ITFG1: variants seen among roughly 807,000 people sequenced by gnomAD.
ITFG1 encodes T-cell immunomodulatory protein.
Under a neutral mutation model 81.8 loss-of-function variants are expected in ITFG1, and 34 were observed. The observed-to-expected ratio is 0.42, with a 90% CI of 0.32 to 0.55. The LOEUF is 0.55. Among genes scored for constraint, ITFG1 ranks in the 20% least tolerant of loss-of-function variants. The pLI is 0.17. For synonymous variants in ITFG1, 285 were observed against 270.6 expected, an observed-to-expected ratio of 1.05 and a Z score of -0.52; for missense variants, 672 against 755.4, an observed-to-expected ratio of 0.89 and a Z score of 1.29.
intron 10 of ITFG1, among the ~76,000 whole-genome samples, chr16:47,278,257 C>A (rs1301141774): frequency 3.9e-5 from 6 of 151,990 alleles, no homozygotes; most frequent in Non-Finnish European, 8.8e-5. Context: ...GTGGTGGAGT[C>A]GAGGAGAACA....
intron 6 of ITFG1, among the ~76,000 whole-genome samples, chr16:47,378,590 T>C (rs1968356984): frequency 6.6e-6 from 1 of 152,250 alleles, no homozygotes; most frequent in African/African-American, 2.4e-5. Context: ...GCTGATTCTA[T>C]TTCCATGGCT....
chr16:47,443,194 T>C (rs907429873), intron 5 of ITFG1, among the ~76,000 whole-genome samples: 1 of 152,088 alleles, frequency 6.6e-6, no homozygotes, highest in African/African-American at 2.4e-5. Context: ...AAAACCACAA[T>C]GAGATACCAT....
intron 5 of ITFG1, among the ~76,000 whole-genome samples, chr16:47,436,943 A>C (rs1471368422): frequency 2.0e-5 from 3 of 152,144 alleles, no homozygotes; most frequent in African/African-American, 7.2e-5. Flanking sequence ...AGCTATACCA[A>C]TTACTCTTCA....
intron 8 of ITFG1, among the ~76,000 whole-genome samples, chr16:47,315,633 T>G (rs968932697): frequency 1.3e-5 from 2 of 152,096 alleles, no homozygotes; most frequent in Admixed American, 6.5e-5. Flanking sequence ...AACAACTACC[T>G]AGTAAACATA....
chr16:47,436,058 T>C (rs1447747919), intron 5 of ITFG1, among the ~76,000 whole-genome samples: 2 of 152,234 alleles, frequency 1.3e-5, no homozygotes, highest in East Asian at 3.9e-4. Context: ...ATTCAGAAAT[T>C]GTACATCTTT....
intron 7 of ITFG1, among the ~76,000 whole-genome samples, chr16:47,368,681 G>C (rs1342270962): frequency 6.7e-6 from 1 of 150,308 alleles, no homozygotes; most frequent in Admixed American, 6.6e-5. Context: ...ATGAGATAAA[G>C]CTGAATATCA....
chr16:47,383,237 C>A (rs1203170452), intron 6 of ITFG1, among the ~76,000 whole-genome samples: 2 of 152,148 alleles, frequency 1.3e-5, no homozygotes, highest in Admixed American at 6.5e-5. Flanking sequence ...AACTGGAGAA[C>A]AGGACCCTGG....
intron 14 of ITFG1, among the ~76,000 whole-genome samples, chr16:47,194,652 C>T (rs546407375): frequency 1.3e-5 from 2 of 152,148 alleles, no homozygotes; most frequent in Admixed American, 1.3e-4. Flanking sequence ...CTCAATGTGC[C>T]TGGGATTACA....
intron 1 of ITFG1, among the ~76,000 whole-genome samples, chr16:47,459,858 T>G (rs1312743649): frequency 6.6e-6 from 1 of 152,192 alleles, no homozygotes; most frequent in African/African-American, 2.4e-5. Flanking sequence ...TCAAAAAGAT[T>G]GGGAAAATAT....
chr16:47,402,994 A>G (rs1968681156), intron 6 of ITFG1, among the ~76,000 whole-genome samples: 1 of 152,192 alleles, frequency 6.6e-6, no homozygotes. Context: ...TAACAATATA[A>G]ATTTACTGCT....
intron 12 of ITFG1, among the ~76,000 whole-genome samples, chr16:47,248,620 A>G (rs1394051802): frequency 6.6e-6 from 1 of 152,202 alleles, no homozygotes; most frequent in African/African-American, 2.4e-5. Flanking sequence ...TAATTTCCCC[A>G]GTGATATCAG....
At chr16:47,318,728 CAAAT>C (rs1162739871) in intron 8 of ITFG1, among the ~76,000 whole-genome samples, 2 of 151,902 alleles carry the variant, frequency 1.3e-5, no homozygotes, top group Non-Finnish European at 2.9e-5. Context: ...CATGTAAACA[CAAAT>C]AACAATTTCA....
intron 13 of ITFG1, among the ~76,000 whole-genome samples, chr16:47,232,834 T>C (rs954139209): frequency 6.6e-6 from 1 of 151,716 alleles, no homozygotes; most frequent in African/African-American, 2.4e-5. Context: ...AGAGATGGGG[T>C]TTCAGCACGT....
rs573372590 is a variant in ITFG1 at position 47,424,147 on chromosome 16, A to G, written c.655+4657T>C. Among the ~76,000 whole-genome samples, 3 of 152,110 alleles carry G rather than the reference A, an allele frequency of 2.0e-5. No homozygotes were observed. In the East Asian group the frequency reaches 5.8e-4, roughly 29 times the overall value. ...CATTTCTTTTTACTCTTTTTTCTCT[A>G]ACCTTGTCTTCTCACTTTATTTCAT... On this transcript the variant is annotated intron_variant, in intron 6 of 17. Transcript: ENST00000320640.
intron 14 of ITFG1, among the ~76,000 whole-genome samples, chr16:47,180,683 T>C (rs960125043): frequency 2.2e-4 from 34 of 152,162 alleles, no homozygotes; most frequent in African/African-American, 8.0e-4. Flanking sequence ...GTTCACTCAG[T>C]GCTCAATGGT....
At chr16:47,186,571 T>G (rs1438532985) in intron 14 of ITFG1, among the ~76,000 whole-genome samples, 1 of 152,182 alleles carries the variant, frequency 6.6e-6, no homozygotes, top group Non-Finnish European at 1.5e-5. Context: ...CCCTTCATGC[T>G]AAAAACTCTC....
chr16:47,261,586 A>C (rs1365228570), intron 10 of ITFG1, among the ~76,000 whole-genome samples: 1 of 152,208 alleles, frequency 6.6e-6, no homozygotes, highest in Non-Finnish European at 1.5e-5. Context: ...CAAAATATGT[A>C]TATTCTTTCA....
At chr16:47,253,577 C>T (rs532584293) in intron 12 of ITFG1, among the ~76,000 whole-genome samples, 14 of 152,240 alleles carry the variant, frequency 9.2e-5, no homozygotes, top group Non-Finnish European at 1.8e-4. Flanking sequence ...AGAAGAAGGG[C>T]AATTTTTTCA....
chr16:47,249,166 C>G (rs1173452669), intron 12 of ITFG1, among the ~76,000 whole-genome samples: 1 of 152,010 alleles, frequency 6.6e-6, no homozygotes, highest in Non-Finnish European at 1.5e-5. Context: ...GCCTGTAATC[C>G]CACCACTTTG....
Sources: gnomAD v4.1 joint callset for allele counts (sites outside exome capture counted in the v4.1 genomes callset) on GRCh38, gnomAD v4.1.1 for gene constraint, MANE v1.5 for transcripts, NCBI Gene and HGNC (gene_info 2026-07-23, HGNC 2026-07-21) for gene names.